NCKAP5: variants seen among roughly 807,000 people sequenced by gnomAD.
NCKAP5 encodes the protein nck-associated protein 5.
Under a neutral mutation model 167.0 loss-of-function variants are expected in NCKAP5, and 92 were observed. That is an observed-to-expected ratio of 0.55 (90% CI 0.47 to 0.66). The LOEUF (loss-of-function observed/expected upper bound fraction) is 0.66. Among genes scored for constraint, NCKAP5 ranks in the 30% least tolerant of loss-of-function variants. The probability of loss-of-function intolerance (pLI) is 0.00; values close to 1 mark genes in which losing one functional copy is unlikely to be tolerated. For missense variants in NCKAP5, 2,378 were observed against 2,315.0 expected (o/e 1.03, Z -0.56); for synonymous variants, 891 against 877.4 (o/e 1.02, Z -0.27).
At chr2:133,110,240 T>C (rs529888827) in intron 6 of NCKAP5, among the ~76,000 whole-genome samples, 2 of 152,338 alleles carry the variant, frequency 1.3e-5, no homozygotes, top group East Asian at 3.9e-4. Context: ...TAGTTATTTG[T>C]TACTAATAAA....
At chr2:133,313,764 C>A (rs543752087) in intron 3 of NCKAP5, among the ~76,000 whole-genome samples, 6 of 152,074 alleles carry the variant, frequency 3.9e-5, no homozygotes, top group African/African-American at 1.2e-4. Context: ...AAAAAGTCAC[C>A]ATAAAAATAC....
At chr2:133,137,478 GATAA>G (rs2082837408) in intron 5 of NCKAP5, among the ~76,000 whole-genome samples, 1 of 150,416 alleles carries the variant, frequency 6.6e-6, no homozygotes, top group South Asian at 2.1e-4. Context: ...GAAAGGGTGA[GATAA>G]ATAAATACAG....
chr2:132,816,783 A>G (rs1395298885), intron 11 of NCKAP5, among the ~76,000 whole-genome samples: 1 of 152,186 alleles, frequency 6.6e-6, no homozygotes, highest in East Asian at 1.9e-4. Flanking sequence ...ACCCCTGAGC[A>G]GACAATCAAT....
Position 133,517,053 on chromosome 2 carries a change from T to C in NCKAP5, c.69+405A>G, listed in dbSNP as rs543580791. On this transcript the variant is annotated intron_variant, in intron 3 of 19. Coordinates refer to ENST00000409261, the MANE Select transcript of NCKAP5 (RefSeq NM_207363.3). ...CATACCTAAGAAGGTCTCCAAGACTTCCTCTGCTCTTCAATATTTGAACCT... is the reference window on the plus strand; with the variant it reads ...CATACCTAAGAAGGTCTCCAAGACTCCCTCTGCTCTTCAATATTTGAACCT... Among the ~76,000 whole-genome samples, 48 of 152,344 alleles carry C rather than the reference T, an allele frequency of 3.2e-4. 1 individual carries two copies. The South Asian group carries it at 9.3e-3, about 30-fold the overall frequency.
intron 5 of NCKAP5, among the ~76,000 whole-genome samples, chr2:133,184,905 A>G (rs1384692166): frequency 6.6e-6 from 1 of 152,006 alleles, no homozygotes; most frequent in African/African-American, 2.4e-5. Flanking sequence ...TCTTCTCCCA[A>G]CATACAGGTT....
chr2:133,250,070 A>G (rs1224536770), intron 4 of NCKAP5, among the ~76,000 whole-genome samples: 4 of 150,840 alleles, frequency 2.7e-5, no homozygotes, highest in Non-Finnish European at 5.9e-5. Context: ...TTTTAAACAG[A>G]GGAATGACAG....
intron 1 of NCKAP5, among the ~76,000 whole-genome samples, chr2:133,561,666 G>A (rs191314217): frequency 1.5e-3 from 233 of 152,252 alleles, no homozygotes; most frequent in Non-Finnish European, 2.4e-3. Flanking sequence ...AGAAACATTG[G>A]AGGCAGGCAT....
chr2:132,712,926 T>C (rs896794334), intron 19 of NCKAP5, among the ~76,000 whole-genome samples: 5 of 152,060 alleles, frequency 3.3e-5, no homozygotes, highest in African/African-American at 9.7e-5. Flanking sequence ...ATTGATTCCA[T>C]AGATATCCAC....
chr2:133,341,699 C>T (rs1445300947), intron 3 of NCKAP5, among the ~76,000 whole-genome samples: 1 of 152,218 alleles, frequency 6.6e-6, no homozygotes, highest in Admixed American at 6.5e-5. Flanking sequence ...ACCCATGACA[C>T]TTAACCATGC....
intron 19 of NCKAP5, among the ~76,000 whole-genome samples, chr2:132,711,084 T>C (rs928305408): frequency 4.6e-5 from 7 of 152,204 alleles, no homozygotes; most frequent in African/African-American, 1.7e-4. Context: ...GACATAAGCA[T>C]GAGCAAAAAC....
intron 15 of NCKAP5, among the ~76,000 whole-genome samples, chr2:132,774,436 A>G (rs974588758): frequency 6.6e-6 from 1 of 152,196 alleles, no homozygotes; most frequent in Non-Finnish European, 1.5e-5. Context: ...ACAATGATGT[A>G]TGTATGATCA....
intron 16 of NCKAP5, among the ~76,000 whole-genome samples, chr2:132,736,070 C>T (rs1190707652): frequency 6.6e-6 from 1 of 152,178 alleles, no homozygotes; most frequent in Admixed American, 6.5e-5. Context: ...AAACCATTCA[C>T]TATTAAGGCC....
intron 6 of NCKAP5, among the ~76,000 whole-genome samples, chr2:133,077,371 T>A (rs2080641462): frequency 6.6e-6 from 1 of 152,152 alleles, no homozygotes; most frequent in Non-Finnish European, 1.5e-5. Flanking sequence ...AGACATGTGT[T>A]TTTAAGCTGA....
At chr2:133,605,904 G>T in the NCKAP5 span, among the ~76,000 whole-genome samples, 1 of 152,194 alleles carries the variant, frequency 6.6e-6, no homozygotes, top group Admixed American at 6.5e-5. Flanking sequence ...CTCCTCTGAG[G>T]CTCTGTGCTT....
At chr2:132,918,641 A>G (rs1036543) in intron 8 of NCKAP5, among the ~76,000 whole-genome samples, 36,205 of 152,094 alleles carry the variant, frequency 0.24, 8,944 homozygotes, top group African/African-American at 0.59. Flanking sequence ...CGTTAACTTG[A>G]TCCTTCTCCA....
At position 132,712,495 on chromosome 2, in the gene NCKAP5, CA is replaced by C. The variant is rs757421407; in HGVS notation, c.5713+13131del. 7.6e-4 allele frequency among the ~76,000 whole-genome samples: 116 copies of C among 151,990 alleles called. 1 individual carries two copies. The highest frequency in any genetic ancestry group is 3.3e-3 in the Admixed American group (50 of 15,254). On this transcript the variant is annotated intron_variant, in intron 19 of 19. Coordinates refer to ENST00000409261, the MANE Select transcript of NCKAP5 (RefSeq NM_207363.3). ...TGAAACCCCGTCTTTACTAAAAATA[CA>C]AAAAAATTAGCCGGGTGTAGAGGCG...
chr2:133,562,260 G>A lies in NCKAP5; in HGVS notation c.-129-3143C>T, dbSNP rs1458490745. On this transcript the variant is annotated intron_variant, in intron 1 of 19. Transcript: ENST00000409261. ...ACATATAGAGAAACACATACTCAAT[G>A]TTTATATATATGAGCATGTTAGAGC... is the stretch of plus-strand genomic sequence containing the variant. Among the ~76,000 whole-genome samples the A allele has an allele frequency of 2.6e-5, 4 of 152,030 alleles. No individual in the cohort carries two copies. The East Asian group carries it at 7.7e-4, about 29-fold the overall frequency.
At chr2:132,794,241 TATATATATATATATATATATATAGAG>T (rs1373693708) in intron 12 of NCKAP5, among the ~76,000 whole-genome samples, 9 of 54,956 alleles carry the variant, frequency 1.6e-4, no homozygotes, top group African/African-American at 4.7e-4. Context: ...TATATATATA[TATATATATATATATATATATATAGAG>T]AGAGAGAGAG....
chr2:133,534,451 T>G (rs114577616), intron 2 of NCKAP5, among the ~76,000 whole-genome samples: 1 of 152,030 alleles, frequency 6.6e-6, no homozygotes. Context: ...TTTTTAACAC[T>G]CCAAAAAGAA....
Sources: allele counts gnomAD v4.1 joint callset (sites outside exome capture counted in the v4.1 genomes callset), GRCh38; gene constraint gnomAD v4.1.1; transcripts MANE v1.5; gene names NCBI Gene and HGNC (gene_info 2026-07-23, HGNC 2026-07-21).